The following EYS variants were observed in gnomAD, a reference collection of about 807,000 sequenced individuals.
The protein encoded by EYS is protein eyes shut homolog.
Under a neutral mutation model 282.1 loss-of-function variants are expected in EYS, and 250 were observed. The observed-to-expected ratio is 0.89, with a 90% confidence interval of 0.80 to 0.98. The LOEUF (loss-of-function observed/expected upper bound fraction) is 0.98. Ranked by LOEUF, EYS falls within the 50% of genes least tolerant of loss-of-function variation. The pLI, the probability that EYS is intolerant of heterozygous loss-of-function variation, is 0.00. For synonymous variants in EYS, 1,355 were observed against 1,282.9 expected, an observed-to-expected ratio of 1.06 and a Z score of -1.20; for missense variants, 4,016 against 3,709.0, an observed-to-expected ratio of 1.08 and a Z score of -2.15.
At chr6:64,551,409 G>A (rs1483584665) in intron 26 of EYS, among the ~76,000 whole-genome samples, 1 of 151,792 alleles carries the variant, frequency 6.6e-6, no homozygotes, top group African/African-American at 2.4e-5. Context: ...TGATCACTTT[G>A]CCTATTCTTC....
chr6:63,979,239 G>A (rs1766980831), intron 35 of EYS, among the ~76,000 whole-genome samples: 3 of 151,904 alleles, frequency 2.0e-5, no homozygotes, highest in Non-Finnish European at 4.4e-5. Context: ...GTCAGTGGCT[G>A]CATTCCTGCT....
At chr6:64,945,259 A>G (rs1769246930) in intron 15 of EYS, among the ~76,000 whole-genome samples, 1 of 152,048 alleles carries the variant, frequency 6.6e-6, no homozygotes, top group South Asian at 2.1e-4. Flanking sequence ...GGCATAATAC[A>G]TAAACACCTA....
chr6:64,535,534 T>C lies in EYS; in HGVS notation c.5644+54689A>G, dbSNP rs576592479. Among the ~76,000 whole-genome samples, 592 of 151,382 alleles carry C rather than the reference T, an allele frequency of 3.9e-3. 2 individuals are homozygous for C. Among genetic ancestry groups the C allele is most frequent in the Non-Finnish European group, 5.3e-3 (362 of 67,904 alleles). On this transcript the variant is annotated intron_variant, in intron 26 of 42. Coordinates refer to ENST00000503581, the MANE Select transcript of EYS (RefSeq NM_001142800.2). ...AGGAGGACTGCTTGAGCCCAGGAGT[T>C]TGAGACCATCTTGGGCAACATAGTG...
chr6:64,508,654 G>A (rs1777290220), intron 26 of EYS, among the ~76,000 whole-genome samples: 1 of 150,796 alleles, frequency 6.6e-6, no homozygotes, highest in South Asian at 2.1e-4. Context: ...TTTCAATCTT[G>A]TTGGTCTCAG....
chr6:63,726,498 CAA>C lies in EYS; in HGVS notation c.8233+19_8233+20del, dbSNP rs1186879508. 3.2e-6 allele frequency: 5 copies of C among 1,541,464 alleles called. No homozygotes were observed. Among genetic ancestry groups the C allele is most frequent in the Non-Finnish European group, 4.4e-6 (5 of 1,142,262 alleles). ...GACTATTAGGAATTCATTCTGCAAA[CAA>C]ACAGCCTGCCAATCTTACCTGATTG... On this transcript the variant is annotated intron_variant, in intron 42 of 42. Transcript: ENST00000503581.
intron 22 of EYS, among the ~76,000 whole-genome samples, chr6:64,627,761 G>A (rs1767653828): frequency 6.6e-6 from 1 of 152,154 alleles, no homozygotes; most frequent in Non-Finnish European, 1.5e-5. Flanking sequence ...CCTAGCTGAA[G>A]ACTTTCTTGA....
intron 22 of EYS, among the ~76,000 whole-genome samples, chr6:64,778,894 A>T (rs1233994562): frequency 1.3e-5 from 2 of 152,196 alleles, no homozygotes; most frequent in African/African-American, 4.8e-5. Context: ...AAATAAGCAT[A>T]TGTAGCTATC....
Position 65,494,723 on chromosome 6 carries a change from T to A in EYS, c.688A>T (p.Asn230Tyr), listed in dbSNP as rs759848963. The change falls in exon 4 of 43, where the codon AAT becomes TAT. Residue 230 changes from asparagine to tyrosine, a missense_variant. Transcript: ENST00000503581. ...TGCTCATCCCAATTTTCTCTTTTATTAATGCAACTGCCATTATTTTTACAT... is the reference window on the plus strand; with the variant it reads ...TGCTCATCCCAATTTTCTCTTTTATAAATGCAACTGCCATTATTTTTACAT... ...KPCKNNGSCI[N>Y]KRENWDEQAY... 1.2e-6 allele frequency: 2 copies of A among 1,609,942 alleles called. No homozygotes were observed. Among genetic ancestry groups the A allele is most frequent in the South Asian group, 2.2e-5 (2 of 90,474 alleles).
chr6:64,735,580 AG>A (rs2149956183), intron 22 of EYS, among the ~76,000 whole-genome samples: 1 of 152,334 alleles, frequency 6.6e-6, no homozygotes, highest in South Asian at 2.1e-4. Flanking sequence ...CTACATAGCA[AG>A]TAAAGTATAT....
At chr6:64,325,046 G>C (rs647342) in intron 29 of EYS, among the ~76,000 whole-genome samples, 104,340 of 152,054 alleles carry the variant, frequency 0.69, 35,834 homozygotes, top group South Asian at 0.71. Flanking sequence ...GAAACTTAAA[G>C]ATTTGATGTT....
chr6:65,619,394 C>A (rs1308787630), intron 2 of EYS, among the ~76,000 whole-genome samples: 1 of 152,146 alleles, frequency 6.6e-6, no homozygotes, highest in East Asian at 1.9e-4. Flanking sequence ...GATTTTTGTA[C>A]ATTGATCTTG....
chr6:64,684,557 A>G (rs1366238348), intron 22 of EYS, among the ~76,000 whole-genome samples: 1 of 139,032 alleles, frequency 7.2e-6, no homozygotes, highest in Non-Finnish European at 1.6e-5. Context: ...ACAATTTTTA[A>G]AGCAACAATT....
At chr6:64,301,247 C>T (rs896839737) in intron 30 of EYS, among the ~76,000 whole-genome samples, 1 of 152,174 alleles carries the variant, frequency 6.6e-6, no homozygotes, top group East Asian at 1.9e-4. Flanking sequence ...CTTTGGCCCA[C>T]CTTGGGCCTA....
At chr6:64,541,723 C>T (rs1017815913) in intron 26 of EYS, among the ~76,000 whole-genome samples, 1 of 152,128 alleles carries the variant, frequency 6.6e-6, no homozygotes, top group Non-Finnish European at 1.5e-5. Context: ...TACCATGTGG[C>T]TTACTTCATC....
chr6:64,327,518 T>C (rs1770472267), intron 29 of EYS, among the ~76,000 whole-genome samples: 3 of 152,098 alleles, frequency 2.0e-5, no homozygotes, highest in Admixed American at 1.3e-4. Flanking sequence ...AGGGAAATAA[T>C]GGGCCAAGTG....
At chr6:63,914,163 A>G (rs537324677) in intron 35 of EYS, among the ~76,000 whole-genome samples, 1 of 152,256 alleles carries the variant, frequency 6.6e-6, no homozygotes, top group African/African-American at 2.4e-5. Context: ...CCCAAGACAC[A>G]ACAATATTGA....
intron 26 of EYS, among the ~76,000 whole-genome samples, chr6:64,461,481 A>G (rs909068988): frequency 3.9e-5 from 6 of 152,198 alleles, no homozygotes; most frequent in African/African-American, 1.4e-4. Context: ...AGGAGAAATG[A>G]CTAGCAGGGG....
intron 35 of EYS, among the ~76,000 whole-genome samples, chr6:63,893,555 A>T (rs1049358658): frequency 2.0e-5 from 3 of 152,142 alleles, no homozygotes; most frequent in Non-Finnish European, 4.4e-5. Context: ...GGAGGGGAAC[A>T]TCATGCACCA....
At chr6:63,940,526 T>G (rs1253233131) in intron 35 of EYS, among the ~76,000 whole-genome samples, 3 of 152,178 alleles carry the variant, frequency 2.0e-5, no homozygotes, top group Admixed American at 6.5e-5. Context: ...CTGGAGAATT[T>G]AATGCCAGCA....
Sources: gnomAD v4.1 joint callset for allele counts (sites outside exome capture counted in the v4.1 genomes callset) on GRCh38, gnomAD v4.1.1 for gene constraint, MANE v1.5 for transcripts, NCBI Gene and HGNC (gene_info 2026-07-23, HGNC 2026-07-21) for gene names.